SEMA3D: variants seen among roughly 807,000 people sequenced by gnomAD.
SEMA3D encodes the protein semaphorin-3D.
SEMA3D carries 84 observed loss-of-function variants against 100.1 expected under a neutral mutation model. The ratio of observed to expected loss-of-function variants is 0.84; its 90% CI spans 0.70 to 1.01. The LOEUF is 1.01. Ranked by LOEUF, SEMA3D falls within the 50% of genes least tolerant of loss-of-function variation. SEMA3D has a pLI of 0.00. For synonymous variants in SEMA3D, 312 were observed against 320.7 expected, an observed-to-expected ratio of 0.97 and a Z score of 0.29; for missense variants, 875 against 934.1, an observed-to-expected ratio of 0.94 and a Z score of 0.82.
intron 4 of SEMA3D, among the ~76,000 whole-genome samples, chr7:85,093,456 C>T (rs1788459588): frequency 6.6e-6 from 1 of 151,894 alleles, no homozygotes; most frequent in Admixed American, 6.6e-5. Flanking sequence ...TTGCTACCAA[C>T]CTAAAGATAA....
At chr7:85,044,457 T>C (rs1790951316) in intron 9 of SEMA3D, among the ~76,000 whole-genome samples, 1 of 152,164 alleles carries the variant, frequency 6.6e-6, no homozygotes, top group African/African-American at 2.4e-5. Flanking sequence ...TCTTTATTTG[T>C]TCTTTAGGTT....
At chr7:85,132,687 C>T (rs979044746) in intron 2 of SEMA3D, among the ~76,000 whole-genome samples, 1 of 151,586 alleles carries the variant, frequency 6.6e-6, no homozygotes, top group Non-Finnish European at 1.5e-5. Flanking sequence ...TATATAATTC[C>T]AAATAACATA....
At chr7:85,033,446 G>A (rs949057634) in intron 12 of SEMA3D, among the ~76,000 whole-genome samples, 2 of 152,082 alleles carry the variant, frequency 1.3e-5, no homozygotes, top group Admixed American at 6.6e-5. Flanking sequence ...CAGGGAAGGC[G>A]GTGACAACCA....
the SEMA3D span, among the ~76,000 whole-genome samples, chr7:85,211,108 A>G: frequency 6.6e-6 from 1 of 152,200 alleles, no homozygotes; most frequent in South Asian, 2.1e-4. Flanking sequence ...AGTGTCTTAT[A>G]CGGAGCAATT....
chr7:85,129,058 T>G (rs1422071732), intron 2 of SEMA3D, among the ~76,000 whole-genome samples: 3 of 150,832 alleles, frequency 2.0e-5, no homozygotes, highest in African/African-American at 7.3e-5. Context: ...GCCCAGCTAA[T>G]TTTTTTTTGT....
chr7:85,017,526 T>G (rs1022109493), intron 15 of SEMA3D, among the ~76,000 whole-genome samples: 30 of 151,752 alleles, frequency 2.0e-4, no homozygotes, highest in Non-Finnish European at 7.4e-5. Flanking sequence ...GGAACAGTAA[T>G]AGATTAAGTC....
intron 2 of SEMA3D, chr7:85,141,859 T>G: frequency 1.1e-6 from 1 of 898,082 alleles, no homozygotes. Context: ...GGGCCCAGTT[T>G]ATAAAGCCTT....
intron 4 of SEMA3D, among the ~76,000 whole-genome samples, chr7:85,092,296 CCTAA>C (rs568872849): frequency 2.6e-5 from 4 of 151,878 alleles, no homozygotes; most frequent in East Asian, 1.9e-4. Context: ...GCCTTGTCTC[CCTAA>C]CTAAGATTAG....
At chr7:85,028,037 CA>C in intron 12 of SEMA3D, 1 of 584,322 alleles carries the variant, frequency 1.7e-6, no homozygotes. Flanking sequence ...CTTTTGATGC[CA>C]AATGTCTGAC....
chr7:85,179,985 T>C (rs934959969), intron 1 of SEMA3D, among the ~76,000 whole-genome samples: 2 of 152,204 alleles, frequency 1.3e-5, no homozygotes, highest in Admixed American at 6.5e-5. Flanking sequence ...GAGTTAATGC[T>C]GAAATGAGTT....
the SEMA3D span, among the ~76,000 whole-genome samples, chr7:85,197,445 C>T: frequency 1.3e-5 from 2 of 152,212 alleles, no homozygotes; most frequent in East Asian, 1.9e-4. Context: ...CCTGTATTAC[C>T]TATAGCCTGG....
chr7:85,212,620 T>C, the SEMA3D span, among the ~76,000 whole-genome samples: 3 of 152,100 alleles, frequency 2.0e-5, no homozygotes, highest in South Asian at 6.2e-4. Flanking sequence ...GTGAGAAAAA[T>C]GCTTCTTTTT....
chr7:85,137,343 A>G (rs1344734755), intron 2 of SEMA3D, among the ~76,000 whole-genome samples: 1 of 152,024 alleles, frequency 6.6e-6, no homozygotes, highest in Non-Finnish European at 1.5e-5. Context: ...AGGATATGAT[A>G]TATAAGACAT....
At chr7:85,063,137 C>G (rs754082776) in intron 8 of SEMA3D, among the ~76,000 whole-genome samples, 38 of 152,106 alleles carry the variant, frequency 2.5e-4, no homozygotes, top group Non-Finnish European at 4.4e-4. Context: ...TGAATAGATT[C>G]TATTGTTAAT....
rs565801872 is a variant in SEMA3D, at chr7:85,169,915, T to C, written c.-172-16176A>G. Among the ~76,000 whole-genome samples, 21 of 151,844 alleles carry C rather than the reference T, an allele frequency of 1.4e-4. No individual in the cohort carries two copies. The East Asian group carries it at 4.1e-3, about 29-fold the overall frequency. Reference sequence around the variant, plus strand: ...GTGTCCATATAAAATAGTTTTAAATTTAAATTATTTATTTTGATGTGTGAA... The same window carrying C: ...GTGTCCATATAAAATAGTTTTAAATCTAAATTATTTATTTTGATGTGTGAA... On this transcript the variant is annotated intron_variant, in intron 1 of 18. Coordinates refer to ENST00000284136, the MANE Select transcript of SEMA3D (RefSeq NM_001384900.1).
At position 85,070,569 on chromosome 7, in the gene SEMA3D, T is replaced by C. The variant is rs543583887; in HGVS notation, c.496-2285A>G. ...AAGTACAATGATTTCTTGGGACTAA[T>C]GATTCATTAAAAAAGTTAACAATTT... On this transcript the variant is annotated intron_variant, in intron 6 of 18. Transcript: ENST00000284136. 1.1e-4 allele frequency among the ~76,000 whole-genome samples: 17 copies of C among 152,278 alleles called. No individual in the cohort carries two copies. The South Asian group carries it at 3.5e-3, about 32-fold the overall frequency.
In SEMA3D at chr7:84,995,626, A is replaced by ATTAT. The variant is rs1419070098; in HGVS notation, c.*3810_*3813dup. ...CAAAATATACATTTAACAATTTTTAATTATTTCATACTACAAGACTACATT... is the reference window on the plus strand; with the variant it reads ...CAAAATATACATTTAACAATTTTTAATTATTTATTTCATACTACAAGACTACATT... On this transcript the variant is annotated 3_prime_UTR_variant, in exon 19 of 19. Transcript: ENST00000284136. 1 of 152,040 alleles carries ATTAT rather than the reference A, an allele frequency of 6.6e-6. No individual in the cohort carries two copies. Among genetic ancestry groups the ATTAT allele is most frequent in the African/African-American group, 2.4e-5 (1 of 41,444 alleles). 9.4% of individuals were successfully genotyped at this position (152,040 alleles called of 1,614,324 possible). A position where few individuals can be genotyped will look rare whatever the true frequency, so the allele number is the denominator to read the frequency against.
At chr7:85,178,530 C>T (rs1791303552) in intron 1 of SEMA3D, among the ~76,000 whole-genome samples, 2 of 152,030 alleles carry the variant, frequency 1.3e-5, no homozygotes, top group Admixed American at 1.3e-4. Context: ...TTGCCTCAGC[C>T]CCAGAGATCT....
the SEMA3D span, among the ~76,000 whole-genome samples, chr7:85,243,499 T>C: frequency 5.6e-4 from 85 of 152,332 alleles, no homozygotes; most frequent in Admixed American, 2.0e-3. Context: ...GATTCTTGTA[T>C]TTGCCTGTCT....
Sources: gnomAD v4.1 joint callset for allele counts (sites outside exome capture counted in the v4.1 genomes callset) on GRCh38, gnomAD v4.1.1 for gene constraint, MANE v1.5 for transcripts, NCBI Gene and HGNC (gene_info 2026-07-23, HGNC 2026-07-21) for gene names.